The following TSHZ2 variants were observed in gnomAD, a reference collection of about 807,000 sequenced individuals.
The protein encoded by TSHZ2 is teashirt homolog 2.
In TSHZ2, 21 loss-of-function variants were observed where a neutral mutation model predicts 74.4. That is an observed-to-expected ratio of 0.28 (90% confidence interval 0.20 to 0.41). TSHZ2 has a LOEUF of 0.41. Ranked by LOEUF, TSHZ2 falls within the 10% of genes least tolerant of loss-of-function variation. The pLI is 1.00. For missense variants in TSHZ2, 1,244 were observed against 1,293.5 expected (o/e 0.96, Z 0.59); for synonymous variants, 540 against 515.3 (o/e 1.05, Z -0.65).
At chr20:53,013,597 T>C (rs1307157526) in intron 1 of TSHZ2, among the ~76,000 whole-genome samples, 2 of 152,184 alleles carry the variant, frequency 1.3e-5, no homozygotes, top group Non-Finnish European at 2.9e-5. Flanking sequence ...CTATTTTAAG[T>C]AGTTGTTTGT....
chr20:53,199,212 A>G (rs992986802), intron 1 of TSHZ2, among the ~76,000 whole-genome samples: 1 of 152,198 alleles, frequency 6.6e-6, no homozygotes, highest in Non-Finnish European at 1.5e-5. Context: ...AAATCAAGAC[A>G]TGTGGCTGGG....
Position 53,001,228 on chromosome 20 carries a change from G to GTA in TSHZ2, c.40+27896_40+27897insAT, listed in dbSNP as rs57496923. 6.3e-3 allele frequency among the ~76,000 whole-genome samples: 900 copies of GTA among 143,386 alleles called. 5 individuals carry two copies. The highest frequency in any genetic ancestry group is 0.014 in the South Asian group (63 of 4,552). 94.1% of individuals were successfully genotyped at this position (143,386 alleles called of 152,430 possible). ...TGCGTGTGTGTGTGTGTGTGTGTGT[G>GTA]TGTGTGTGTGTGTGTGTGTGTGTGT... On this transcript the variant is annotated intron_variant, in intron 1 of 2. Coordinates refer to ENST00000371497, the MANE Select transcript of TSHZ2 (RefSeq NM_173485.6).
chr20:53,253,141 C>T (rs541147439), intron 1 of TSHZ2, among the ~76,000 whole-genome samples: 1 of 151,978 alleles, frequency 6.6e-6, no homozygotes, highest in African/African-American at 2.4e-5. Flanking sequence ...AGACACGTGA[C>T]TTTAATGGGA....
chr20:53,156,180 A>C (rs1404182689), intron 1 of TSHZ2, among the ~76,000 whole-genome samples: 1 of 152,142 alleles, frequency 6.6e-6, no homozygotes, highest in African/African-American at 2.4e-5. Context: ...AAATTTCATC[A>C]TGGTAATGTT....
At chr20:53,219,300 A>G (rs1305080645) in intron 1 of TSHZ2, among the ~76,000 whole-genome samples, 3 of 152,228 alleles carry the variant, frequency 2.0e-5, no homozygotes, top group Non-Finnish European at 2.9e-5. Flanking sequence ...TTTAGCCAAC[A>G]ACAAGAAATA....
At chr20:53,297,963 T>G (rs1015900736) in intron 2 of TSHZ2, among the ~76,000 whole-genome samples, 1 of 152,232 alleles carries the variant, frequency 6.6e-6, no homozygotes, top group Non-Finnish European at 1.5e-5. Context: ...ATGTCGAAAC[T>G]TATTCTCTCC....
chr20:53,043,556 AT>A (rs1555818538), intron 1 of TSHZ2, among the ~76,000 whole-genome samples: 1 of 152,126 alleles, frequency 6.6e-6, no homozygotes, highest in Non-Finnish European at 1.5e-5. Context: ...TAAAAAAAAA[AT>A]CTCTGAAACA....
At chr20:53,406,097 C>T (rs79015240) in intron 2 of TSHZ2, among the ~76,000 whole-genome samples, 3,408 of 152,182 alleles carry the variant, frequency 0.022, 111 homozygotes, top group African/African-American at 0.074. Context: ...AGGTATCTAA[C>T]TTTTGAGCTG....
chr20:53,254,110 C>G lies in TSHZ2; in HGVS notation c.652C>G (p.Arg218Gly), dbSNP rs1207618789. 1.2e-6 allele frequency: 2 copies of G among 1,614,006 alleles called. No individual in the cohort carries two copies. The highest frequency in any genetic ancestry group is 1.7e-6 in the Non-Finnish European group (2 of 1,180,012). ...VFTGASRFRC[R>G]QCSAAYDTLV... ...CACAGGGGCCAGCAGATTCCGATGC[C>G]GACAGTGCAGCGCGGCCTATGACAC... The change falls in exon 2 of 3, where the codon CGA (arginine) becomes GGA (glycine). Residue 218 changes from arginine (R) to glycine (G), a missense_variant. Coordinates refer to ENST00000371497, the MANE Select transcript of TSHZ2 (RefSeq NM_173485.6).
intron 2 of TSHZ2, among the ~76,000 whole-genome samples, chr20:53,383,210 C>T (rs553628954): frequency 1.4e-4 from 22 of 151,794 alleles, no homozygotes; most frequent in African/African-American, 5.1e-4. Flanking sequence ...TTGCAGTGAG[C>T]CGAGATTGTG....
intron 1 of TSHZ2, among the ~76,000 whole-genome samples, chr20:53,228,422 A>G (rs1448232059): frequency 1.3e-5 from 2 of 152,234 alleles, no homozygotes; most frequent in Non-Finnish European, 2.9e-5. Context: ...AATTTGTAAA[A>G]AGCGATATAA....
intron 1 of TSHZ2, among the ~76,000 whole-genome samples, chr20:53,162,518 A>G (rs1987967875): frequency 6.6e-6 from 1 of 152,182 alleles, no homozygotes; most frequent in African/African-American, 2.4e-5. Context: ...GGATCGGTCG[A>G]TGGGATCAGG....
rs1990445322 is a variant in TSHZ2 at position 53,255,385 on chromosome 20, G to A, written c.1927G>A (p.Ala643Thr). The A allele has an allele frequency of 6.2e-7, 1 of 1,613,822 alleles. No individual in the cohort carries two copies. Among genetic ancestry groups the A allele is most frequent in the Non-Finnish European group, 8.5e-7 (1 of 1,180,008 alleles). ...CCGCAAAAGTGAAACACCTCCAGAA[G>A]CCAAAAAGACCGAGCTGGGTCCCCT... ...SFRKSETPPEAKKTELGPLKE... is the reference protein window; with the variant it reads ...SFRKSETPPETKKTELGPLKE... The change falls in exon 2 of 3, where the codon GCC becomes ACC. Residue 643 changes from alanine (A) to threonine (T), a missense_variant. Physicochemically the swap from Ala to Thr is moderately conservative, Grantham distance 58. Coordinates refer to ENST00000371497, the MANE Select transcript of TSHZ2 (RefSeq NM_173485.6). The surrounding 1 kb of genome is among the most constrained non-coding windows in gnomAD (Gnocchi z 4.1).
intron 1 of TSHZ2, among the ~76,000 whole-genome samples, chr20:53,077,410 C>CAA (rs11470532): frequency 2.2e-5 from 3 of 137,330 alleles, no homozygotes; most frequent in Admixed American, 1.4e-4. Context: ...GACTCTACCT[C>CAA]AAAAAAAAAA....
In TSHZ2 at chr20:53,467,063, TACAG is replaced by T. The variant is rs143873310; in HGVS notation, c.*9-20077_*9-20074del. On this transcript the variant is annotated intron_variant, in intron 2 of 2. Coordinates refer to ENST00000371497, the MANE Select transcript of TSHZ2 (RefSeq NM_173485.6). ...AAGGCTCTCTCTTCTCATCAACAAA[TACAG>T]ACAATGAAATCTACTGTCAGGTAGT... is the stretch of plus-strand genomic sequence containing the variant. Among the ~76,000 whole-genome samples the T allele has an allele frequency of 1.3e-3, 197 of 152,326 alleles. 3 individuals are homozygous for T. In the East Asian group the frequency reaches 0.033, roughly 25 times the overall value.
chr20:53,123,267 C>T (rs1174809028), intron 1 of TSHZ2, among the ~76,000 whole-genome samples: 1 of 152,226 alleles, frequency 6.6e-6, no homozygotes, highest in Non-Finnish European at 1.5e-5. Flanking sequence ...GTGCCATAAA[C>T]TTTAACATTT....
chr20:53,407,337 T>G (rs1982889878), intron 2 of TSHZ2, among the ~76,000 whole-genome samples: 1 of 152,206 alleles, frequency 6.6e-6, no homozygotes, highest in Non-Finnish European at 1.5e-5. Flanking sequence ...GTGGTCATTT[T>G]TGCCCCTTAG....
At chr20:53,275,122 T>C (rs553255182) in intron 2 of TSHZ2, among the ~76,000 whole-genome samples, 23 of 152,230 alleles carry the variant, frequency 1.5e-4, no homozygotes, top group African/African-American at 5.5e-4. Context: ...AATATACCAT[T>C]TGTGGACTTG....
intron 2 of TSHZ2, among the ~76,000 whole-genome samples, chr20:53,332,035 A>T (rs575942374): frequency 3.3e-5 from 5 of 152,218 alleles, no homozygotes; most frequent in African/African-American, 1.2e-4. Context: ...CACTGAATAC[A>T]TCTGAAGCCA....
Sources: allele counts gnomAD v4.1 joint callset (sites outside exome capture counted in the v4.1 genomes callset), GRCh38; gene constraint gnomAD v4.1.1; non-coding constraint Gnocchi (gnomAD v3.1); transcripts MANE v1.5; gene names NCBI Gene and HGNC (gene_info 2026-07-23, HGNC 2026-07-21).